The following CCDC171 variants were observed in gnomAD, a reference collection of about 807,000 sequenced individuals.
CCDC171 encodes coiled-coil domain containing 171.
CCDC171 carries 177 observed loss-of-function variants against 168.2 expected under a neutral mutation model. The observed-to-expected ratio is 1.05, with a 90% CI of 0.93 to 1.19. The LOEUF (loss-of-function observed/expected upper bound fraction) is 1.19, where lower values mean the gene tolerates loss of function less well. CCDC171 is among the 50% of genes most tolerant of loss of function. CCDC171 has a pLI of 0.00. For missense variants in CCDC171, 1,991 were observed against 1,539.0 expected (o/e 1.29, Z -4.91); for synonymous variants, 687 against 540.8 (o/e 1.27, Z -3.75).
intron 2 of CCDC171, among the ~76,000 whole-genome samples, chr9:15,566,046 T>A (rs987717771): frequency 6.6e-6 from 1 of 152,244 alleles, no homozygotes; most frequent in African/African-American, 2.4e-5. Flanking sequence ...TTTAGCCATT[T>A]TGGTGAGTGT....
chr9:15,678,094 A>G (rs1185104211), intron 9 of CCDC171, among the ~76,000 whole-genome samples: 1 of 150,022 alleles, frequency 6.7e-6, no homozygotes, highest in East Asian at 2.0e-4. Context: ...ATTGTTTTGT[A>G]GAGATCGAGT....
At chr9:15,901,317 T>C (rs1267217683) in intron 24 of CCDC171, among the ~76,000 whole-genome samples, 2 of 152,110 alleles carry the variant, frequency 1.3e-5, no homozygotes, top group Non-Finnish European at 2.9e-5. Context: ...CCAACACCAA[T>C]AGCCGTAATG....
At chr9:15,945,694 G>C (rs1828272491) in intron 25 of CCDC171, among the ~76,000 whole-genome samples, 1 of 150,806 alleles carries the variant, frequency 6.6e-6, no homozygotes, top group African/African-American at 2.4e-5. Flanking sequence ...AGTAGTGTCT[G>C]TTCATGTCCT....
At chr9:15,654,198 C>T (rs371509434) in intron 7 of CCDC171, among the ~76,000 whole-genome samples, 6 of 150,764 alleles carry the variant, frequency 4.0e-5, no homozygotes, top group Admixed American at 6.6e-5. Context: ...TTATTGCTTT[C>T]TGTAAAAAAA....
At chr9:15,917,900 A>G (rs772082497) in intron 24 of CCDC171, among the ~76,000 whole-genome samples, 11 of 151,762 alleles carry the variant, frequency 7.2e-5, no homozygotes, top group Non-Finnish European at 1.2e-4. Flanking sequence ...CAATAAAAGT[A>G]TATATCTAAG....
chr9:15,902,459 G>A (rs1362742073), intron 24 of CCDC171, among the ~76,000 whole-genome samples: 3 of 150,690 alleles, frequency 2.0e-5, no homozygotes, highest in African/African-American at 7.3e-5. Context: ...ACTTTTGTTT[G>A]ATTGATAGGT....
At chr9:15,863,412 C>T (rs1364002413) in intron 23 of CCDC171, among the ~76,000 whole-genome samples, 2 of 152,034 alleles carry the variant, frequency 1.3e-5, no homozygotes. Context: ...AAGGAGAGTC[C>T]AGGGTTTCCT....
intron 18 of CCDC171, among the ~76,000 whole-genome samples, chr9:15,751,980 G>A (rs775805000): frequency 2.6e-5 from 4 of 152,040 alleles, no homozygotes; most frequent in South Asian, 2.1e-4. Context: ...GCAACCTACC[G>A]AATGGGAGAA....
chr9:15,752,664 T>G (rs1588302892), intron 18 of CCDC171, among the ~76,000 whole-genome samples: 3 of 152,220 alleles, frequency 2.0e-5, no homozygotes, highest in Admixed American at 2.0e-4. Context: ...ACAGCGCATG[T>G]TCTCACTCAT....
intron 6 of CCDC171, among the ~76,000 whole-genome samples, chr9:16,028,072 A>C (rs2052707173): frequency 6.6e-6 from 1 of 152,174 alleles, no homozygotes; most frequent in Non-Finnish European, 1.5e-5. Flanking sequence ...TGTGAAGGAC[A>C]TTCCAGGGAG....
intron 24 of CCDC171, among the ~76,000 whole-genome samples, chr9:15,897,499 A>G (rs764973668): frequency 3.9e-5 from 6 of 152,094 alleles, no homozygotes; most frequent in Non-Finnish European, 8.8e-5. Context: ...CAACTACAGA[A>G]TGAATGAAGT....
At chr9:15,784,950 A>G (rs1433200710) in intron 21 of CCDC171, among the ~76,000 whole-genome samples, 2 of 152,148 alleles carry the variant, frequency 1.3e-5, no homozygotes, top group Non-Finnish European at 2.9e-5. Flanking sequence ...ATTATTATTA[A>G]CAATAAAATT....
intron 21 of CCDC171, among the ~76,000 whole-genome samples, chr9:15,838,282 C>G (rs1020128885): frequency 1.3e-5 from 2 of 152,102 alleles, no homozygotes; most frequent in African/African-American, 4.8e-5. Context: ...CATAGTATAT[C>G]ATTGTATCTT....
At chr9:15,691,542 TTTTTTATA>T (rs1162616733) in intron 10 of CCDC171, among the ~76,000 whole-genome samples, 3 of 112,720 alleles carry the variant, frequency 2.7e-5, no homozygotes, top group African/African-American at 1.1e-4. Flanking sequence ...TAAATATATG[TTTTTTATA>T]TATATATATA....
At chr9:15,822,701 A>T (rs1476051684) in intron 21 of CCDC171, among the ~76,000 whole-genome samples, 1 of 152,122 alleles carries the variant, frequency 6.6e-6, no homozygotes, top group Non-Finnish European at 1.5e-5. Context: ...GCTGGAGAGG[A>T]TGTGGAGAAA....
chr9:15,930,941 C>T (rs1167702121), intron 25 of CCDC171, among the ~76,000 whole-genome samples: 1 of 151,536 alleles, frequency 6.6e-6, no homozygotes, highest in East Asian at 1.9e-4. Flanking sequence ...TAATCTCATG[C>T]ATTTATCATT....
At chr9:15,846,879 A>G in intron 22 of CCDC171, 32 bp downstream of exon 22, 1 of 1,568,058 alleles carries the variant, frequency 6.4e-7, no homozygotes, top group Non-Finnish European at 8.7e-7. Context: ...AGATCACTTA[A>G]AACAGACAAA....
At chr9:16,041,311 A>T (rs1564131970), upstream of CCDC171, among the ~76,000 whole-genome samples, 1 of 152,188 alleles carries the variant, frequency 6.6e-6, no homozygotes. Context: ...GGGAGCAGGG[A>T]AAAGGCCTGA....
chr9:15,615,896 A>G (rs2044046017), intron 6 of CCDC171, among the ~76,000 whole-genome samples: 1 of 151,366 alleles, frequency 6.6e-6, no homozygotes, highest in South Asian at 2.1e-4. Flanking sequence ...CTCCCACCTC[A>G]GCCCTCCAAG....
Sources: gnomAD v4.1 joint callset for allele counts (sites outside exome capture counted in the v4.1 genomes callset) on GRCh38, gnomAD v4.1.1 for gene constraint, MANE v1.5 for transcripts, NCBI Gene and HGNC (gene_info 2026-07-23, HGNC 2026-07-21) for gene names.